ANKRD45: variants seen among roughly 807,000 people sequenced by gnomAD.
The protein encoded by ANKRD45 is ankyrin repeat domain 45.
ANKRD45 carries 21 observed loss-of-function variants against 28.1 expected under a neutral mutation model. The observed-to-expected ratio is 0.75, with a 90% CI of 0.53 to 1.08. The LOEUF (loss-of-function observed/expected upper bound fraction) is 1.08. ANKRD45 is among the 50% of genes least tolerant of loss of function. The probability of loss-of-function intolerance (pLI) is 0.00; values close to 1 mark genes in which losing one functional copy is unlikely to be tolerated. For synonymous variants in ANKRD45, 86 were observed against 103.9 expected (o/e 0.83, Z 1.05); for missense variants, 261 against 308.7 (o/e 0.85, Z 1.16).
chr1:173,687,454 A>AACC, the ANKRD45 span, among the ~76,000 whole-genome samples: 1 of 74,414 alleles, frequency 1.3e-5, no homozygotes. Flanking sequence ...TATAAATTCT[A>AACC]CCCCCCCCCC....
chr1:173,648,403 CAGA>C (rs1669031169), intron 2 of ANKRD45, among the ~76,000 whole-genome samples: 3 of 152,154 alleles, frequency 2.0e-5, no homozygotes, highest in Admixed American at 2.0e-4. Context: ...AACATGTCAA[CAGA>C]AGGTTATAGA....
upstream of ANKRD45, among the ~76,000 whole-genome samples, chr1:173,671,946 C>T (rs1378480847): frequency 6.6e-6 from 1 of 151,942 alleles, no homozygotes; most frequent in Non-Finnish European, 1.5e-5. Context: ...CAAAGTCACC[C>T]ACTTGGCCCT....
At chr1:173,712,154 A>G in the ANKRD45 span, among the ~76,000 whole-genome samples, 1 of 152,248 alleles carries the variant, frequency 6.6e-6, no homozygotes, top group Non-Finnish European at 1.5e-5. Flanking sequence ...ATGTTTGAAC[A>G]GTAATGAGAG....
chr1:173,699,244 C>T, the ANKRD45 span, among the ~76,000 whole-genome samples: 1 of 152,112 alleles, frequency 6.6e-6, no homozygotes, highest in Non-Finnish European at 1.5e-5. Context: ...ACCAGAGGTA[C>T]AAAGAGGAAC....
the ANKRD45 span, among the ~76,000 whole-genome samples, chr1:173,706,255 T>C: frequency 6.7e-6 from 1 of 149,068 alleles, no homozygotes; most frequent in East Asian, 2.0e-4. Flanking sequence ...TGAGCTGAGA[T>C]TGTGCTACTG....
chr1:173,702,885 C>G, the ANKRD45 span, among the ~76,000 whole-genome samples: 1 of 151,956 alleles, frequency 6.6e-6, no homozygotes, highest in Non-Finnish European at 1.5e-5. Flanking sequence ...ACCACCATGC[C>G]TGGCTAATTT....
At chr1:173,653,942 G>A (rs1057386881) in intron 2 of ANKRD45, among the ~76,000 whole-genome samples, 2 of 32,780 alleles carry the variant, frequency 6.1e-5, no homozygotes, top group Admixed American at 6.9e-4. Context: ...TTTTTTTTTT[G>A]CTTTCCATTT....
At chr1:173,634,968 A>G (rs1668361058) in intron 3 of ANKRD45, among the ~76,000 whole-genome samples, 1 of 152,074 alleles carries the variant, frequency 6.6e-6, no homozygotes. Flanking sequence ...AAATAAAAGC[A>G]GATGCTGGGT....
intron 2 of ANKRD45, among the ~76,000 whole-genome samples, chr1:173,649,670 T>G (rs1669095148): frequency 6.6e-6 from 1 of 152,184 alleles, no homozygotes; most frequent in African/African-American, 2.4e-5. Context: ...GACAGATCTT[T>G]TCCCTTAGTG....
chr1:173,612,789 C>T lies in ANKRD45; in HGVS notation c.731-2574G>A, dbSNP rs796137489. ...TATTTTTTTGGTGGAGACGGGGTTT[C>T]GCTGTGTTGGCCGGGCTGGTCTCCA... On this transcript the variant is annotated intron_variant, in intron 5 of 5. Coordinates refer to ENST00000333279, the MANE Select transcript of ANKRD45 (RefSeq NM_198493.3). The T allele has an allele frequency of 2.6e-5, 4 of 155,972 alleles. No homozygotes were observed. In the East Asian group the frequency reaches 5.7e-4, roughly 22 times the overall value. 9.7% of individuals were successfully genotyped at this position (155,972 alleles called of 1,614,324 possible). A position where few individuals can be genotyped will look rare whatever the true frequency, so the allele number is the denominator to read the frequency against.
intron 5 of ANKRD45, among the ~76,000 whole-genome samples, chr1:173,623,697 AT>A (rs1667799798): frequency 6.6e-6 from 1 of 152,162 alleles, no homozygotes; most frequent in Non-Finnish European, 1.5e-5. Flanking sequence ...TAGCAAAAAC[AT>A]GGAATCAACC....
At chr1:173,645,040 C>T (rs1668864114) in intron 3 of ANKRD45, among the ~76,000 whole-genome samples, 1 of 151,282 alleles carries the variant, frequency 6.6e-6, no homozygotes. Flanking sequence ...CCTAAAATTA[C>T]TATTCATGGG....
chr1:173,675,904 A>G, the ANKRD45 span, among the ~76,000 whole-genome samples: 1 of 152,212 alleles, frequency 6.6e-6, no homozygotes. Context: ...AAGGAATCTC[A>G]GATATGACTT....
intron 1 of ANKRD45, among the ~76,000 whole-genome samples, chr1:173,669,105 A>C (rs974690950): frequency 2.6e-5 from 4 of 152,234 alleles, no homozygotes; most frequent in Non-Finnish European, 5.9e-5. Context: ...GGGAAGACAC[A>C]AGTAAATCAG....
intron 1 of ANKRD45, among the ~76,000 whole-genome samples, chr1:173,665,507 T>C (rs1449016682): frequency 6.6e-6 from 1 of 152,186 alleles, no homozygotes; most frequent in African/African-American, 2.4e-5. Context: ...AGATCAAATC[T>C]TGAACTATGA....
At chr1:173,639,489 G>T (rs1456632783) in intron 3 of ANKRD45, among the ~76,000 whole-genome samples, 1 of 152,240 alleles carries the variant, frequency 6.6e-6, no homozygotes, top group Admixed American at 6.5e-5. Flanking sequence ...AACACAGAAG[G>T]AAAATGGATA....
intron 3 of ANKRD45, among the ~76,000 whole-genome samples, chr1:173,638,027 G>A (rs1235046856): frequency 6.6e-6 from 1 of 152,090 alleles, no homozygotes; most frequent in East Asian, 1.9e-4. Context: ...CTCCATGCAC[G>A]GGCCAAGGTA....
At chr1:173,632,315 A>T (rs1668230859) in intron 3 of ANKRD45, among the ~76,000 whole-genome samples, 1 of 152,052 alleles carries the variant, frequency 6.6e-6, no homozygotes, top group Non-Finnish European at 1.5e-5. Context: ...GAATAAACCA[A>T]TAACAAGTAA....
At chr1:173,628,462 T>C (rs535814939) in intron 3 of ANKRD45, among the ~76,000 whole-genome samples, 12 of 152,218 alleles carry the variant, frequency 7.9e-5, no homozygotes, top group African/African-American at 2.2e-4. Context: ...TGTAGAGCCC[T>C]TGGGCCTCAA....
Sources: allele counts gnomAD v4.1 joint callset (sites outside exome capture counted in the v4.1 genomes callset), GRCh38; gene constraint gnomAD v4.1.1; transcripts MANE v1.5; gene names NCBI Gene and HGNC (gene_info 2026-07-23, HGNC 2026-07-21).